Variants in MBD2 observed in about 807,000 individuals in gnomAD.
The protein encoded by MBD2 is methyl-CpG binding domain protein 2.
A neutral mutation model predicts 39.3 loss-of-function variants in MBD2; 9 were observed. The observed-to-expected ratio is 0.23, with a 90% confidence interval of 0.14 to 0.40. The LOEUF is 0.40. MBD2 is among the 10% of genes least tolerant of loss of function. MBD2 has a pLI of 1.00. For synonymous variants in MBD2, 233 were observed against 211.1 expected (o/e 1.10, Z -0.90); for missense variants, 458 against 532.6 (o/e 0.86, Z 1.38).
intron 1 of MBD2, among the ~76,000 whole-genome samples, chr18:54,213,251 G>A (rs2086525828): frequency 6.6e-6 from 1 of 152,148 alleles, no homozygotes; most frequent in Non-Finnish European, 1.5e-5. Flanking sequence ...ATTACAGCCT[G>A]AGCTCTGCCT....
chr18:54,184,203 G>A (rs552237634), intron 3 of MBD2, among the ~76,000 whole-genome samples: 34 of 152,160 alleles, frequency 2.2e-4, no homozygotes, highest in African/African-American at 8.2e-4. Flanking sequence ...CCACAGACGG[G>A]TAGCGGTCTG....
chr18:54,210,445 A>G (rs1037336325), intron 1 of MBD2, among the ~76,000 whole-genome samples: 1 of 152,216 alleles, frequency 6.6e-6, no homozygotes, highest in African/African-American at 2.4e-5. Context: ...AGTCTATGAC[A>G]TAAAATTACA....
In MBD2 at chr18:54,152,559, T is replaced by C. The variant is rs1231103005; in HGVS notation, c.*2765A>G. 2.0e-5 allele frequency: 3 copies of C among 152,148 alleles called. No individual in the cohort carries two copies. Among genetic ancestry groups the C allele is most frequent in the African/African-American group, 7.2e-5 (3 of 41,420 alleles). 9.4% of individuals were successfully genotyped at this position (152,148 alleles called of 1,614,324 possible). A position where few individuals can be genotyped will look rare whatever the true frequency, so the allele number is the denominator to read the frequency against. On this transcript the variant is annotated 3_prime_UTR_variant, in exon 7 of 7. Coordinates refer to ENST00000256429, the MANE Select transcript of MBD2 (RefSeq NM_003927.5). ...TGGAGCTTACATTCTAGTAGAGAAATAGACAAAAAGCCAACAAATAAATAA... is the reference window on the plus strand; with the variant it reads ...TGGAGCTTACATTCTAGTAGAGAAACAGACAAAAAGCCAACAAATAAATAA...
chr18:54,218,450 T>C (rs748312662), intron 1 of MBD2, among the ~76,000 whole-genome samples: 19 of 152,148 alleles, frequency 1.2e-4, no homozygotes, highest in Non-Finnish European at 2.6e-4. Context: ...CCCAATAAAG[T>C]AGATTAGACA....
chr18:54,180,897 C>CTTTTTTTTTTGTTT (rs1211071727), intron 3 of MBD2, among the ~76,000 whole-genome samples: 1 of 105,372 alleles, frequency 9.5e-6, no homozygotes, highest in Non-Finnish European at 1.8e-5. Context: ...TTAATTTTTT[C>CTTTTTTTTTTGTTT]TTTTTCTTTT....
At chr18:54,220,389 G>A (rs1274683739) in intron 1 of MBD2, among the ~76,000 whole-genome samples, 6 of 151,752 alleles carry the variant, frequency 4.0e-5, no homozygotes, top group Non-Finnish European at 2.9e-5. Context: ...ATTATATTGC[G>A]TTAACTGGCA....
chr18:54,158,681 GC>G (rs1472874302), intron 6 of MBD2, among the ~76,000 whole-genome samples: 2 of 152,138 alleles, frequency 1.3e-5, no homozygotes, highest in Non-Finnish European at 2.9e-5. Context: ...GAGTGTAGTG[GC>G]ACAATCTCGG....
intron 2 of MBD2, among the ~76,000 whole-genome samples, chr18:54,195,113 A>G (rs998750500): frequency 6.6e-6 from 1 of 152,022 alleles, no homozygotes; most frequent in Non-Finnish European, 1.5e-5. Flanking sequence ...TATGGAATTT[A>G]AAGATATCGA....
chr18:54,204,734 CAATT>C (rs753128228), intron 2 of MBD2, among the ~76,000 whole-genome samples: 6 of 152,272 alleles, frequency 3.9e-5, no homozygotes, highest in African/African-American at 1.2e-4. Context: ...AAAAAGGAGA[CAATT>C]AACACCAAAG....
chr18:54,203,707 T>C (rs1418683999), intron 2 of MBD2, among the ~76,000 whole-genome samples: 1 of 152,142 alleles, frequency 6.6e-6, no homozygotes, highest in Non-Finnish European at 1.5e-5. Context: ...AGAGACCCCA[T>C]GCCCCTCAGA....
At chr18:54,218,541 T>C (rs1279875045) in intron 1 of MBD2, among the ~76,000 whole-genome samples, 1 of 152,220 alleles carries the variant, frequency 6.6e-6, no homozygotes, top group Admixed American at 6.5e-5. Context: ...GTTCTGAGGT[T>C]AAACCACCAG....
intron 1 of MBD2, among the ~76,000 whole-genome samples, chr18:54,215,793 C>CTTTTT (rs764192938): frequency 6.9e-6 from 1 of 144,588 alleles, no homozygotes; most frequent in Non-Finnish European, 1.5e-5. Flanking sequence ...CAAGCCCGGC[C>CTTTTT]TTTTTTTTTT....
In MBD2 at chr18:54,224,522, T is replaced by G; in HGVS notation, c.38A>C (p.Glu13Ala). Residue 13 changes from glutamate (E) to alanine (A), a missense_variant, in exon 1 of 7, where the codon GAG becomes GCG. Glu to Ala is a moderately radical substitution (Grantham distance 107). Coordinates refer to ENST00000256429, the MANE Select transcript of MBD2 (RefSeq NM_003927.5). ...AHPGGGRCCP[E>A]QEEGESAAGG... ...CGCCGCACTCTCCCCCTCCTCCTGC[T>G]CCGGGCAGCAGCGGCCTCCCCCCGG... is the stretch of plus-strand genomic sequence containing the variant. 8.1e-7 allele frequency: 1 copy of G among 1,228,268 alleles called. No individual in the cohort carries two copies. Among genetic ancestry groups the G allele is most frequent in the Non-Finnish European group, 1.0e-6 (1 of 986,438 alleles). 76.1% of individuals were successfully genotyped at this position (1,228,268 alleles called of 1,614,324 possible). A position where few individuals can be genotyped will look rare whatever the true frequency, so the allele number is the denominator to read the frequency against.
At chr18:54,201,828 A>G (rs1303525869) in intron 2 of MBD2, among the ~76,000 whole-genome samples, 1 of 149,218 alleles carries the variant, frequency 6.7e-6, no homozygotes, top group Non-Finnish European at 1.5e-5. Flanking sequence ...GCACCACTGC[A>G]CTCCAGCCTG....
chr18:54,221,696 G>C (rs1327336214), intron 1 of MBD2, among the ~76,000 whole-genome samples: 1 of 151,900 alleles, frequency 6.6e-6, no homozygotes, highest in Non-Finnish European at 1.5e-5. Flanking sequence ...TTGAACCCGA[G>C]AGGCGGAGGA....
At chr18:54,164,808 G>A (rs1428865527) in intron 4 of MBD2, 108 bp from the exon 5 acceptor site, 1 of 828,488 alleles carries the variant, frequency 1.2e-6, no homozygotes, top group Middle Eastern at 3.2e-4. Context: ...GATCATATAT[G>A]TAAAACTGAC....
chr18:54,176,185 G>A (rs1310941923), intron 3 of MBD2, among the ~76,000 whole-genome samples: 2 of 152,216 alleles, frequency 1.3e-5, no homozygotes, highest in Non-Finnish European at 2.9e-5. Flanking sequence ...GTAGAGGGAG[G>A]ACAGGGTGAT....
At chr18:54,222,696 G>A (rs888226257) in intron 1 of MBD2, among the ~76,000 whole-genome samples, 1 of 152,184 alleles carries the variant, frequency 6.6e-6, no homozygotes, top group African/African-American at 2.4e-5. Flanking sequence ...GGAAGACTAA[G>A]TTCTATGAAA....
Position 54,188,917 on chromosome 18 carries a change from T to A in MBD2, c.797A>T (p.Lys266Ile). The A allele has an allele frequency of 6.2e-7, 1 of 1,610,042 alleles. No individual in the cohort carries two copies. The highest frequency in any genetic ancestry group is 8.5e-7 in the Non-Finnish European group (1 of 1,177,356). The change falls in exon 3 of 7, where the codon AAA becomes ATA. Residue 266 changes from lysine (K) to isoleucine (I), a missense_variant. Lys to Ile is a moderately radical substitution (Grantham distance 102). Around this residue, in one of 2 missense-constraint regions of MBD2, gnomAD observed 189 missense variants for 296.6 expected, o/e 0.64. Coordinates refer to ENST00000256429, the MANE Select transcript of MBD2 (RefSeq NM_003927.5). ...CATTCGTTGTGGGTCTGATTTCACT[T>A]TATTACTAGGATGATTTGTGACTTT... ...VTKVTNHPSN[K>I]VKSDPQRMNE...
Sources: allele counts gnomAD v4.1 joint callset (sites outside exome capture counted in the v4.1 genomes callset), GRCh38; gene constraint gnomAD v4.1.1; regional missense constraint gnomAD v4.1.1; transcripts MANE v1.5; gene names NCBI Gene and HGNC (gene_info 2026-07-23, HGNC 2026-07-21).